The following NEK5 variants were observed in gnomAD, a reference collection of about 807,000 sequenced individuals.
NEK5 encodes the protein serine/threonine-protein kinase Nek5.
A neutral mutation model predicts 109.2 loss-of-function variants in NEK5; 88 were observed. The ratio of observed to expected loss-of-function variants is 0.81; its 90% confidence interval spans 0.68 to 0.96. The LOEUF is 0.96. NEK5 is among the 40% of genes least tolerant of loss of function. NEK5 has a pLI of 0.00. For synonymous variants in NEK5, 283 were observed against 299.9 expected (o/e 0.94, Z 0.58); for missense variants, 834 against 920.7 (o/e 0.91, Z 1.22).
chr13:52,103,119 C>T (rs1955575715), intron 9 of NEK5, among the ~76,000 whole-genome samples: 1 of 152,156 alleles, frequency 6.6e-6, no homozygotes, highest in Non-Finnish European at 1.5e-5. Context: ...ATATTCAACT[C>T]CATGGTGTAG....
chr13:52,060,614 G>A (rs1209030435), intron 22 of NEK5, among the ~76,000 whole-genome samples: 1 of 152,070 alleles, frequency 6.6e-6, no homozygotes, highest in Non-Finnish European at 1.5e-5. Flanking sequence ...CCAAAGTGCC[G>A]GGATTACAGG....
intron 5 of NEK5, among the ~76,000 whole-genome samples, chr13:52,112,055 C>A (rs1238088683): frequency 2.6e-5 from 4 of 152,060 alleles, no homozygotes; most frequent in Admixed American, 1.3e-4. Context: ...TCAAGAAAAT[C>A]TCACTCTCTA....
At chr13:52,068,533 T>C (rs1475335482) in intron 20 of NEK5, among the ~76,000 whole-genome samples, 1 of 151,946 alleles carries the variant, frequency 6.6e-6, no homozygotes, top group African/African-American at 2.4e-5. Context: ...AAATGAGATC[T>C]GACAACCAAC....
At chr13:52,073,558 G>T (rs1266841992) in intron 19 of NEK5, among the ~76,000 whole-genome samples, 1 of 152,010 alleles carries the variant, frequency 6.6e-6, no homozygotes, top group Non-Finnish European at 1.5e-5. Flanking sequence ...CTCATGATCT[G>T]CCCGTCTCAG....
At chr13:52,119,598 A>G (rs1955931506) in intron 3 of NEK5, among the ~76,000 whole-genome samples, 183 bp from the exon 4 acceptor site, 1 of 152,172 alleles carries the variant, frequency 6.6e-6, no homozygotes, top group Non-Finnish European at 1.5e-5. Flanking sequence ...CATCTCATCA[A>G]TGGTTTGTTG....
chr13:52,053,767 C>G (rs1049510804), intron 22 of NEK5, among the ~76,000 whole-genome samples: 1 of 152,178 alleles, frequency 6.6e-6, no homozygotes, highest in African/African-American at 2.4e-5. Context: ...ACCCTCCATA[C>G]CAAACATCCT....
chr13:52,043,925 T>C (rs191883039), intron 23 of NEK5, among the ~76,000 whole-genome samples: 267 of 152,326 alleles, frequency 1.8e-3, no homozygotes, highest in South Asian at 6.0e-3. Flanking sequence ...GTCAACTTGA[T>C]TGGATTGAAG....
chr13:52,054,416 G>A (rs905322578), intron 22 of NEK5, among the ~76,000 whole-genome samples: 1 of 152,220 alleles, frequency 6.6e-6, no homozygotes, highest in African/African-American at 2.4e-5. Flanking sequence ...CAACTCCAGG[G>A]CTCAAGTGAT....
chr13:52,054,962 A>T (rs1033320559), intron 22 of NEK5, among the ~76,000 whole-genome samples: 1 of 151,024 alleles, frequency 6.6e-6, no homozygotes, highest in African/African-American at 2.4e-5. Flanking sequence ...TGACTTTGAC[A>T]AGCTGAGAGA....
At chr13:52,114,189 C>A (rs775247845) in intron 4 of NEK5, among the ~76,000 whole-genome samples, 3 of 152,134 alleles carry the variant, frequency 2.0e-5, no homozygotes, top group African/African-American at 7.2e-5. Context: ...GTAGTTAGCA[C>A]ATCAAAGGGG....
chr13:52,046,086 A>G (rs1028681396), intron 23 of NEK5, among the ~76,000 whole-genome samples: 1 of 151,506 alleles, frequency 6.6e-6, no homozygotes, highest in Non-Finnish European at 1.5e-5. Context: ...AAAAAAAAAA[A>G]AAGTTGGATC....
chr13:52,067,175 CA>C (rs574854481), intron 20 of NEK5, among the ~76,000 whole-genome samples: 1 of 152,002 alleles, frequency 6.6e-6, no homozygotes, highest in South Asian at 2.1e-4. Flanking sequence ...TCTTCTTTTT[CA>C]AAATTTTTGG....
chr13:52,061,503 G>A (rs2137739140), intron 22 of NEK5, among the ~76,000 whole-genome samples: 1 of 152,320 alleles, frequency 6.6e-6, no homozygotes, highest in Admixed American at 6.5e-5. Context: ...CTGAATAGCT[G>A]TCAGAAATAA....
intron 19 of NEK5, 59 bp downstream of exon 19, chr13:52,075,699 T>C (rs1294868361): frequency 2.0e-6 from 2 of 984,010 alleles, no homozygotes; most frequent in Admixed American, 2.7e-5. Context: ...TGAAACATGC[T>C]ATTAAGATAT....
intron 4 of NEK5, among the ~76,000 whole-genome samples, chr13:52,118,279 C>T (rs1352294964): frequency 2.6e-5 from 4 of 152,168 alleles, no homozygotes; most frequent in African/African-American, 7.2e-5. Context: ...AACAGCCCTG[C>T]GCTGGGGGCT....
intron 13 of NEK5, 110 bp from the exon 14 acceptor site, chr13:52,089,423 T>C (rs1214564232): frequency 3.0e-6 from 2 of 660,118 alleles, no homozygotes; most frequent in African/African-American, 1.9e-5. Flanking sequence ...ACCAGTGGCT[T>C]GAAGTTCCAA....
At chr13:52,118,271 C>T (rs1224479181) in intron 4 of NEK5, among the ~76,000 whole-genome samples, 3 of 152,218 alleles carry the variant, frequency 2.0e-5, no homozygotes, top group East Asian at 1.9e-4. Context: ...AGTCTTAAAA[C>T]AGCCCTGCGC....
Position 52,087,372 on chromosome 13 carries a change from T to C in NEK5, c.1358A>G (p.Glu453Gly). Reference sequence around the variant, plus strand: ...CATTTCGTTTTTCCTAAATGGCAGCTCCTGGAATCTAGGCTCTTCTCCATT... The same window carrying C: ...CATTTCGTTTTTCCTAAATGGCAGCCCCTGGAATCTAGGCTCTTCTCCATT... ...RSNGEEPRFQ[E>G]LPFRKNEMKE... Residue 453 changes from glutamate to glycine, a missense_variant, in exon 15 of 24, where the codon GAG becomes GGG. This residue lies in a region of NEK5 where 777 missense variants were observed against 824.7 expected (regional missense o/e 0.94). Transcript: ENST00000684899. The C allele has an allele frequency of 6.2e-7, 1 of 1,608,140 alleles. No homozygotes were observed. Among genetic ancestry groups the C allele is most frequent in the Non-Finnish European group, 8.5e-7 (1 of 1,174,876 alleles).
intron 23 of NEK5, among the ~76,000 whole-genome samples, chr13:52,043,805 T>A (rs966764794): frequency 8.5e-5 from 13 of 152,222 alleles, no homozygotes; most frequent in Non-Finnish European, 1.5e-4. Context: ...TTGGTAAGGA[T>A]GTTGAACAAC....
Sources: allele counts gnomAD v4.1 joint callset (sites outside exome capture counted in the v4.1 genomes callset), GRCh38; gene constraint gnomAD v4.1.1; regional missense constraint gnomAD v4.1.1; transcripts MANE v1.5; gene names NCBI Gene and HGNC (gene_info 2026-07-23, HGNC 2026-07-21).